PRIM2: variants seen among roughly 807,000 people sequenced by gnomAD.
PRIM2 encodes DNA primase subunit 2.
PRIM2 carries 39 observed loss-of-function variants against 67.3 expected under a neutral mutation model. The ratio of observed to expected loss-of-function variants is 0.58; its 90% CI spans 0.45 to 0.76. The LOEUF is 0.76. PRIM2 is among the 30% of genes least tolerant of loss of function. The probability of loss-of-function intolerance (pLI) is 0.00; values close to 1 mark genes in which losing one functional copy is unlikely to be tolerated. For synonymous variants in PRIM2, 143 were observed against 198.7 expected (o/e 0.72, Z 2.36); for missense variants, 398 against 598.7 (o/e 0.66, Z 3.50).
At chr6:57,503,656 G>A (rs1554347074) in intron 7 of PRIM2, among the ~76,000 whole-genome samples, 36 of 152,096 alleles carry the variant, frequency 2.4e-4, no homozygotes, top group Admixed American at 2.4e-3. Context: ...GGCTGAGGCA[G>A]GAGAATTGCT....
intron 10 of PRIM2, among the ~76,000 whole-genome samples, chr6:57,579,331 G>T (rs1386821520): frequency 6.6e-6 from 1 of 152,082 alleles, no homozygotes; most frequent in East Asian, 1.9e-4. Flanking sequence ...AATTGTACAG[G>T]AACAGTCTGG....
At chr6:57,300,515 G>A in the PRIM2 span, among the ~76,000 whole-genome samples, 1 of 152,040 alleles carries the variant, frequency 6.6e-6, no homozygotes, top group African/African-American at 2.4e-5. Flanking sequence ...GGTAGTGGAT[G>A]GGCTCCAGAC....
the PRIM2 span, among the ~76,000 whole-genome samples, chr6:57,271,364 T>C: frequency 9.3e-3 from 1,417 of 152,352 alleles, 9 homozygotes; most frequent in Non-Finnish European, 0.016. Flanking sequence ...TGGGAGGGTG[T>C]ATGTGTCAAG....
intron 5 of PRIM2, among the ~76,000 whole-genome samples, chr6:57,337,663 G>C (rs535285316): frequency 6.6e-6 from 1 of 152,080 alleles, no homozygotes; most frequent in Non-Finnish European, 1.5e-5. Flanking sequence ...TGAAACCAAC[G>C]AGAACAAAGA....
intron 7 of PRIM2, among the ~76,000 whole-genome samples, chr6:57,491,345 A>G (rs1232513570): frequency 4.6e-5 from 7 of 152,256 alleles, no homozygotes; most frequent in Non-Finnish European, 1.0e-4. Flanking sequence ...ATGAATTCAT[A>G]TTGCATTTGA....
intron 10 of PRIM2, among the ~76,000 whole-genome samples, chr6:57,594,810 T>TA (rs1210559561): frequency 1.3e-5 from 2 of 152,112 alleles, no homozygotes; most frequent in Non-Finnish European, 2.9e-5. Context: ...TCATCAAAAA[T>TA]AAAAACACCT....
At chr6:57,256,357 T>C in the PRIM2 span, among the ~76,000 whole-genome samples, 4 of 152,170 alleles carry the variant, frequency 2.6e-5, no homozygotes, top group Non-Finnish European at 5.9e-5. Flanking sequence ...CATTTTGCAA[T>C]TGGGAATAGT....
chr6:57,455,908 T>C (rs1322243252), intron 7 of PRIM2, among the ~76,000 whole-genome samples: 5 of 152,220 alleles, frequency 3.3e-5, no homozygotes, highest in Non-Finnish European at 7.3e-5. Context: ...TTGGCATGTT[T>C]TTGCAGTGCT....
At chr6:57,491,257 G>A (rs1210494319) in intron 7 of PRIM2, among the ~76,000 whole-genome samples, 1 of 152,156 alleles carries the variant, frequency 6.6e-6, no homozygotes, top group Non-Finnish European at 1.5e-5. Flanking sequence ...CAGCCCCTAT[G>A]TTCTCAGTTA....
At position 57,317,952 on chromosome 6, in the gene PRIM2, T is replaced by A. The variant is rs200899051; in HGVS notation, c.-10+251T>A. ...ACTTGTGGATGCTCCCGAAAAGGAG[T>A]TCCGAAAGACAGTTGCTCTGTTTCC... On this transcript the variant is annotated intron_variant, in intron 1 of 13. Transcript: ENST00000615550. Among the ~76,000 whole-genome samples, 32 of 151,952 alleles carry A rather than the reference T, an allele frequency of 2.1e-4. No individual in the cohort carries two copies. In the East Asian group the frequency reaches 6.0e-3, roughly 29 times the overall value.
the PRIM2 span, among the ~76,000 whole-genome samples, chr6:57,234,616 C>G: frequency 6.7e-6 from 1 of 148,734 alleles, no homozygotes; most frequent in African/African-American, 2.5e-5. Context: ...CTCCGCCTCC[C>G]AGGTTCAAGC....
chr6:57,642,481 C>A (rs1333042108), intron 13 of PRIM2, among the ~76,000 whole-genome samples: 18 of 110,442 alleles, frequency 1.6e-4, no homozygotes, highest in Admixed American at 1.4e-3. Flanking sequence ...TTCGCTCTGT[C>A]GCCCAGGCTG....
chr6:57,474,062 T>A (rs1392627830), intron 7 of PRIM2, among the ~76,000 whole-genome samples: 2 of 152,048 alleles, frequency 1.3e-5, no homozygotes, highest in Non-Finnish European at 2.9e-5. Flanking sequence ...TATCCACCCA[T>A]TTTTTAAGGA....
chr6:57,508,307 A>G (rs1238527586), intron 8 of PRIM2, among the ~76,000 whole-genome samples: 35 of 151,728 alleles, frequency 2.3e-4, no homozygotes, highest in African/African-American at 8.0e-4. Flanking sequence ...TTATGTGACT[A>G]TTTTTTCCAT....
intron 10 of PRIM2, among the ~76,000 whole-genome samples, chr6:57,562,461 G>A (rs1775653291): frequency 6.6e-6 from 1 of 152,072 alleles, no homozygotes; most frequent in African/African-American, 2.4e-5. Flanking sequence ...TTACACTCAG[G>A]TGATCTCATC....
At chr6:57,640,245 A>G (rs1372727417) in intron 13 of PRIM2, among the ~76,000 whole-genome samples, 1 of 152,182 alleles carries the variant, frequency 6.6e-6, no homozygotes, top group Non-Finnish European at 1.5e-5. Context: ...TCAAAATAGT[A>G]AGAGCTATTT....
At chr6:57,350,307 C>T (rs1371686022) in intron 5 of PRIM2, among the ~76,000 whole-genome samples, 3 of 151,922 alleles carry the variant, frequency 2.0e-5, no homozygotes, top group Non-Finnish European at 4.4e-5. Context: ...CCATTTATGA[C>T]TATGATTTAA....
chr6:57,290,518 G>A, the PRIM2 span, among the ~76,000 whole-genome samples: 39 of 152,270 alleles, frequency 2.6e-4, no homozygotes, highest in Non-Finnish European at 4.4e-4. Context: ...ATAGACATCT[G>A]TAGAACTCTC....
chr6:57,267,282 T>C, the PRIM2 span, among the ~76,000 whole-genome samples: 4 of 152,160 alleles, frequency 2.6e-5, no homozygotes, highest in South Asian at 2.1e-4. Context: ...TTATCTACTG[T>C]GATGGGACAA....
Sources: allele counts gnomAD v4.1 joint callset (sites outside exome capture counted in the v4.1 genomes callset), GRCh38; gene constraint gnomAD v4.1.1; transcripts MANE v1.5; gene names NCBI Gene and HGNC (gene_info 2026-07-23, HGNC 2026-07-21).